GALNT1: variants seen among roughly 807,000 people sequenced by gnomAD.
GALNT1 encodes GalNAc transferase 1.
GALNT1 carries 17 observed loss-of-function variants against 65.7 expected under a neutral mutation model. That is an observed-to-expected ratio of 0.26 (90% CI 0.18 to 0.39). GALNT1 has a LOEUF of 0.39. Ranked by LOEUF, GALNT1 falls within the 10% of genes least tolerant of loss-of-function variation. GALNT1 has a pLI of 1.00. For synonymous variants in GALNT1, 210 were observed against 219.7 expected (o/e 0.96, Z 0.39); for missense variants, 460 against 672.8 (o/e 0.68, Z 3.50).
At chr18:35,663,560 T>G in intron 2 of GALNT1, 68 bp from the exon 3 acceptor site, 1 of 1,478,960 alleles carries the variant, frequency 6.8e-7, no homozygotes. Context: ...ACAAATGTTA[T>G]TAAATAGAAT....
chr18:35,629,434 T>G (rs990583736), intron 1 of GALNT1, among the ~76,000 whole-genome samples: 10 of 152,272 alleles, frequency 6.6e-5, no homozygotes, highest in African/African-American at 2.2e-4. Flanking sequence ...AAGAAAAGAA[T>G]TTTCAACCCA....
At chr18:35,604,369 G>T (rs1239820173) in intron 1 of GALNT1, among the ~76,000 whole-genome samples, 1 of 152,132 alleles carries the variant, frequency 6.6e-6, no homozygotes, top group East Asian at 1.9e-4. Flanking sequence ...TGTGAGTAGT[G>T]CTGCGATAAA....
At chr18:35,666,337 G>A (rs984875071) in intron 3 of GALNT1, among the ~76,000 whole-genome samples, 6 of 152,138 alleles carry the variant, frequency 3.9e-5, no homozygotes, top group African/African-American at 1.4e-4. Context: ...TCTTTATCTG[G>A]CAAGTTGATT....
chr18:35,629,590 C>T (rs1393008934), intron 1 of GALNT1, among the ~76,000 whole-genome samples: 2 of 152,224 alleles, frequency 1.3e-5, no homozygotes, highest in South Asian at 2.1e-4. Context: ...AAGGAAGAAC[C>T]GGTACCAGCC....
At chr18:35,632,608 C>A (rs2047029587) in intron 1 of GALNT1, among the ~76,000 whole-genome samples, 2 of 152,156 alleles carry the variant, frequency 1.3e-5, no homozygotes, top group South Asian at 4.1e-4. Flanking sequence ...TAGAAGAAAA[C>A]CAAGGCAATA....
At chr18:35,631,537 G>A (rs2047010081) in intron 1 of GALNT1, among the ~76,000 whole-genome samples, 1 of 152,008 alleles carries the variant, frequency 6.6e-6, no homozygotes, top group South Asian at 2.1e-4. Flanking sequence ...GAATAAATTA[G>A]GTATTCATGG....
Position 35,590,071 on chromosome 18 carries a change from A to G in GALNT1, c.-104+8209A>G, listed in dbSNP as rs564380447. 8.5e-4 allele frequency among the ~76,000 whole-genome samples: 129 copies of G among 152,238 alleles called. 3 individuals are homozygous for G. The South Asian group carries it at 0.019, about 22-fold the overall frequency. On this transcript the variant is annotated intron_variant, in intron 1 of 11. Coordinates refer to ENST00000269195, the MANE Select transcript of GALNT1 (RefSeq NM_020474.4). ...TTCTTTTTAAAATGATAGACTAGTGATTAGCCATTCAGTTGAACTTCTCTG... is the reference window on the plus strand; with the variant it reads ...TTCTTTTTAAAATGATAGACTAGTGGTTAGCCATTCAGTTGAACTTCTCTG...
At position 35,587,972 on chromosome 18, in the gene GALNT1, C is replaced by T. The variant is rs574137217; in HGVS notation, c.-104+6110C>T. On this transcript the variant is annotated intron_variant, in intron 1 of 11. Coordinates refer to ENST00000269195, the MANE Select transcript of GALNT1 (RefSeq NM_020474.4). ...AAATTTTCCTTTCATCTTCTGTTTT[C>T]GGTTTCTAGTTTGATTCCATTTTGG... Among the ~76,000 whole-genome samples the T allele has an allele frequency of 2.0e-4, 30 of 152,140 alleles. 1 individual carries two copies. Among genetic ancestry groups the T allele is most frequent in the East Asian group, 1.9e-4 (1 of 5,174 alleles).
At chr18:35,645,216 A>ATT (rs1568022797) in intron 1 of GALNT1, among the ~76,000 whole-genome samples, 4 of 121,120 alleles carry the variant, frequency 3.3e-5, no homozygotes, top group African/African-American at 6.3e-5. Flanking sequence ...GCTATTTTGA[A>ATT]TGTTTTTTTT....
intron 4 of GALNT1, among the ~76,000 whole-genome samples, chr18:35,680,999 AAGC>A (rs1223044260): frequency 1.3e-5 from 2 of 152,186 alleles, no homozygotes; most frequent in African/African-American, 2.4e-5. Context: ...TTTATACAAA[AAGC>A]AGAGGTTTAT....
rs1019521484 is a variant in GALNT1, at chr18:35,611,368, A to G, written c.-104+29506A>G. On this transcript the variant is annotated intron_variant, in intron 1 of 11. Coordinates refer to ENST00000269195, the MANE Select transcript of GALNT1 (RefSeq NM_020474.4). ...AAAGTGAGGCAGTTGAACATACTGC[A>G]GAGACTTTCCACCCTGTGCCATAGT... is the stretch of plus-strand genomic sequence containing the variant. 9.5e-4 allele frequency among the ~76,000 whole-genome samples: 144 copies of G among 152,344 alleles called. 1 individual carries two copies. Among genetic ancestry groups the G allele is most frequent in the African/African-American group, 3.0e-3 (125 of 41,590 alleles).
intron 1 of GALNT1, among the ~76,000 whole-genome samples, chr18:35,599,748 A>G (rs2046557648): frequency 6.6e-6 from 1 of 152,192 alleles, no homozygotes; most frequent in African/African-American, 2.4e-5. Context: ...GTGTATGGTC[A>G]TATAGTTTTC....
At chr18:35,596,818 A>G (rs759680091) in intron 1 of GALNT1, 2 of 152,232 alleles carry the variant, frequency 1.3e-5, no homozygotes, top group Non-Finnish European at 2.9e-5. Context: ...CATCTTTCCA[A>G]GACTTGCTGT....
intron 1 of GALNT1, among the ~76,000 whole-genome samples, chr18:35,647,822 G>A (rs1409956002): frequency 6.6e-6 from 1 of 152,062 alleles, no homozygotes; most frequent in Non-Finnish European, 1.5e-5. Context: ...ATGAGGGGTA[G>A]GAGAAAATCA....
intron 1 of GALNT1, among the ~76,000 whole-genome samples, chr18:35,630,412 C>A (rs2046990212): frequency 1.3e-5 from 2 of 152,192 alleles, no homozygotes; most frequent in South Asian, 4.1e-4. Flanking sequence ...CTCAAAACCA[C>A]CAAACTACAT....
intron 1 of GALNT1, among the ~76,000 whole-genome samples, chr18:35,611,383 T>C (rs966479238): frequency 6.6e-6 from 1 of 152,226 alleles, no homozygotes; most frequent in African/African-American, 2.4e-5. Context: ...CTTTCCACCC[T>C]GTGCCATAGT....
At chr18:35,651,239 A>G (rs72962591) in intron 1 of GALNT1, among the ~76,000 whole-genome samples, 15,468 of 152,182 alleles carry the variant, frequency 0.1, 1,006 homozygotes, top group African/African-American at 0.19. Context: ...AGGAGATCAT[A>G]TTAATATTAC....
chr18:35,698,289 G>A (rs1005828247), intron 9 of GALNT1, among the ~76,000 whole-genome samples: 3 of 151,944 alleles, frequency 2.0e-5, no homozygotes, highest in Non-Finnish European at 4.4e-5. Context: ...CCAACATGCC[G>A]AAACCCCATC....
intron 3 of GALNT1, among the ~76,000 whole-genome samples, chr18:35,675,600 TTTTCTGTCTTCC>T: frequency 6.6e-6 from 1 of 152,224 alleles, no homozygotes; most frequent in Admixed American, 6.5e-5. Flanking sequence ...GTCTCCACAT[TTTTCTGTCTTCC>T]TTTCTGTTTC....
Sources: allele counts gnomAD v4.1 joint callset (sites outside exome capture counted in the v4.1 genomes callset), GRCh38; gene constraint gnomAD v4.1.1; transcripts MANE v1.5; gene names NCBI Gene and HGNC (gene_info 2026-07-23, HGNC 2026-07-21).